Variants in EMILIN2 observed in about 807,000 individuals in gnomAD.
The protein encoded by EMILIN2 is EMILIN-2.
A neutral mutation model predicts 87.1 loss-of-function variants in EMILIN2; 71 were observed. The ratio of observed to expected loss-of-function variants is 0.82; its 90% CI spans 0.67 to 0.99. EMILIN2 has a LOEUF of 0.99. Ranked by LOEUF, EMILIN2 falls within the 50% of genes least tolerant of loss-of-function variation. The pLI, the probability that EMILIN2 is intolerant of heterozygous loss-of-function variation, is 0.00. For missense variants in EMILIN2, 1,407 were observed against 1,371.8 expected (o/e 1.03, Z -0.40); for synonymous variants, 581 against 563.4 (o/e 1.03, Z -0.44).
intron 2 of EMILIN2, among the ~76,000 whole-genome samples, chr18:2,865,000 T>TG (rs2076679316): frequency 6.6e-6 from 1 of 152,246 alleles, no homozygotes; most frequent in South Asian, 2.1e-4. Context: ...TTCTTCCAGT[T>TG]GATCGCATCA....
At position 2,848,604 on chromosome 18, in the gene EMILIN2, A is replaced by AC. The variant is rs1234578188; in HGVS notation, c.257+673_257+674insC. Among the ~76,000 whole-genome samples, 6 of 152,026 alleles carry AC rather than the reference A, an allele frequency of 3.9e-5. No homozygotes were observed. The highest frequency in any genetic ancestry group is 6.6e-5 in the Admixed American group (1 of 15,248). ...AGATTTCCCCATCTTAAAAAAAAAA[A>AC]AAAACAGGAAGCAATGCAATAAAGT... On this transcript the variant is annotated intron_variant, in intron 2 of 7. Coordinates refer to ENST00000254528, the MANE Select transcript of EMILIN2 (RefSeq NM_032048.3). The surrounding 1 kb of genome is among the most constrained non-coding windows in gnomAD (Gnocchi z 4.1).
Position 2,913,637 on chromosome 18 carries a change from AC to A in EMILIN2, c.*234del. Reference sequence around the variant, plus strand: ...ACTTTTCTGCCACTCTAACTGGACAACTGGAAGACTTGGAAAGGCCTCCACC... The same window carrying A: ...ACTTTTCTGCCACTCTAACTGGACAATGGAAGACTTGGAAAGGCCTCCACC... On this transcript the variant is annotated 3_prime_UTR_variant, in exon 8 of 8. Coordinates refer to ENST00000254528, the MANE Select transcript of EMILIN2 (RefSeq NM_032048.3). The A allele has an allele frequency of 9.6e-5, 46 of 479,082 alleles. No homozygotes were observed. The highest frequency in any genetic ancestry group is 5.5e-4 in the Middle Eastern group (1 of 1,804). The allele number at this position is 479,082 out of a possible 1,614,324, so 29.7% of individuals were successfully genotyped here.
At chr18:2,863,558 AGTTTGATTGCACTGTG>A (rs2076671837) in intron 2 of EMILIN2, among the ~76,000 whole-genome samples, 2 of 152,080 alleles carry the variant, frequency 1.3e-5, no homozygotes, top group Admixed American at 1.3e-4. Context: ...CCTGAGTTCT[AGTTTGATTGCACTGTG>A]GTCTGAGAGA....
rs1425613922 is a variant in EMILIN2 at position 2,894,492 on chromosome 18, C to T, written c.2359+2006C>T. 6.6e-6 allele frequency among the ~76,000 whole-genome samples: 1 copy of T among 152,124 alleles called. No homozygotes were observed. The highest frequency in any genetic ancestry group is 1.5e-5 in the Non-Finnish European group (1 of 68,028). On this transcript the variant is annotated intron_variant, in intron 4 of 7. Coordinates refer to ENST00000254528, the MANE Select transcript of EMILIN2 (RefSeq NM_032048.3). The surrounding 1 kb of genome is among the most constrained non-coding windows in gnomAD (Gnocchi z 5.0). ...TGTATGTGTTCATAGAATGATTGTC[C>T]CTTGTGGTGACAACGCTGTCTGGTC...
intron 2 of EMILIN2, among the ~76,000 whole-genome samples, chr18:2,861,586 G>A (rs951914923): frequency 1.3e-3 from 196 of 152,222 alleles, no homozygotes; most frequent in African/African-American, 4.3e-3. Flanking sequence ...TGTTCCATTG[G>A]TCTATATCTC....
At chr18:2,885,162 A>G (rs1255305053) in intron 3 of EMILIN2, 23 bp downstream of exon 3, 1 of 1,557,018 alleles carries the variant, frequency 6.4e-7, no homozygotes, top group East Asian at 2.3e-5. Context: ...TTGTGCTATT[A>G]TGTATGGCCA....
Position 2,913,543 on chromosome 18 carries a change from G to A in EMILIN2, c.*139G>A, listed in dbSNP as rs2076952949. On this transcript the variant is annotated 3_prime_UTR_variant, in exon 8 of 8. Transcript: ENST00000254528. ...AACATAAAGGCCTTCCCTCGCTGTTGAGGCCACCATGCCTTACTGCATCCA... is the reference window on the plus strand; with the variant it reads ...AACATAAAGGCCTTCCCTCGCTGTTAAGGCCACCATGCCTTACTGCATCCA... 1 of 676,280 alleles carries A rather than the reference G, an allele frequency of 1.5e-6. No homozygotes were observed. The highest frequency in any genetic ancestry group is 2.8e-5 in the East Asian group (1 of 35,736). 41.9% of individuals were successfully genotyped at this position (676,280 alleles called of 1,614,324 possible). A position where few individuals can be genotyped will look rare whatever the true frequency, so the allele number is the denominator to read the frequency against.
intron 4 of EMILIN2, among the ~76,000 whole-genome samples, chr18:2,898,059 G>A (rs751353783): frequency 2.6e-5 from 4 of 152,088 alleles, no homozygotes; most frequent in African/African-American, 9.7e-5. Context: ...AGATGGACTC[G>A]CTCCCATTTT....
At chr18:2,873,949 A>AT (rs2076735296) in intron 2 of EMILIN2, among the ~76,000 whole-genome samples, 1 of 152,110 alleles carries the variant, frequency 6.6e-6, no homozygotes, top group Admixed American at 6.6e-5. Context: ...ATCAAACCTT[A>AT]TACCCTCAAG....
In EMILIN2 at chr18:2,892,300, A is replaced by C. The variant is rs199824882; in HGVS notation, c.2173A>C (p.Arg725=). 54 of 1,614,058 alleles carry C rather than the reference A, an allele frequency of 3.3e-5. No individual in the cohort carries two copies. The highest frequency in any genetic ancestry group is 3.3e-5 in the Non-Finnish European group (39 of 1,180,026). The change falls in exon 4 of 8, where the codon AGG becomes CGG. Residue 725 remains arginine, a synonymous_variant. Coordinates refer to ENST00000254528, the MANE Select transcript of EMILIN2 (RefSeq NM_032048.3). ...GGACTCTATCTCAGGAAATCTTCAG[A>C]GGATCAAGGAGGGGCTCAACAAGCA... ...KLDSISGNLQ[R]IKEGLNKHVS...
At chr18:2,910,850 A>G (rs531354616) in intron 7 of EMILIN2, among the ~76,000 whole-genome samples, 1 of 152,344 alleles carries the variant, frequency 6.6e-6, no homozygotes, top group Non-Finnish European at 1.5e-5. Context: ...GAACTCAGAG[A>G]AATGAATTCT....
intron 2 of EMILIN2, among the ~76,000 whole-genome samples, chr18:2,858,547 A>ATATATGTGTGTGTGTG (rs2076640470): frequency 2.1e-5 from 1 of 48,054 alleles, no homozygotes; most frequent in Non-Finnish European, 3.4e-5. Flanking sequence ...ATATATATAT[A>ATATATGTGTGTGTGTG]TATATATATA....
At chr18:2,875,136 T>C (rs755257472) in intron 2 of EMILIN2, among the ~76,000 whole-genome samples, 71 of 152,110 alleles carry the variant, frequency 4.7e-4, no homozygotes, top group Non-Finnish European at 1.0e-4. Context: ...AAAGCCCAGG[T>C]CAAGGGAAGA....
intron 2 of EMILIN2, among the ~76,000 whole-genome samples, chr18:2,858,545 A>ATGTGTG (rs1315716983): frequency 4.3e-5 from 2 of 46,508 alleles, no homozygotes; most frequent in Non-Finnish European, 7.0e-5. Flanking sequence ...ATATATATAT[A>ATGTGTG]TATATATATA....
rs191454698 is a variant in EMILIN2, at chr18:2,870,779, G to A, written c.258-14185G>A. Among the ~76,000 whole-genome samples, 16 of 152,312 alleles carry A rather than the reference G, an allele frequency of 1.1e-4. No homozygotes were observed. In the South Asian group the frequency reaches 1.9e-3, roughly 18 times the overall value. On this transcript the variant is annotated intron_variant, in intron 2 of 7. Transcript: ENST00000254528. The stretch of plus-strand genomic sequence containing the variant: ...TGGAGGTGGGTGTCCACAGGGGGTC[G>A]TAGATCAAGACATCAGCAGGGTTGG...
intron 2 of EMILIN2, among the ~76,000 whole-genome samples, chr18:2,853,405 G>A (rs900905380): frequency 6.6e-6 from 1 of 152,180 alleles, no homozygotes; most frequent in Non-Finnish European, 1.5e-5. Context: ...AAGTGCAGAG[G>A]TTCTGCCTTG....
Position 2,891,548 on chromosome 18 carries a change from C to T in EMILIN2, c.1421C>T (p.Thr474Ile). The change falls in exon 4 of 8, where the codon ACC becomes ATC. Residue 474 changes from threonine (T) to isoleucine (I), a missense_variant. Transcript: ENST00000254528. The surrounding 1 kb of genome is among the most constrained non-coding windows in gnomAD (Gnocchi z 4.6). ...AEEHCFYIEETLRGAINGEVG... is the reference protein window; with the variant it reads ...AEEHCFYIEEILRGAINGEVG... Reference sequence around the variant, plus strand: ...GAACATTGCTTTTACATTGAGGAAACCCTTCGGGGCGCCATTAATGGAGAG... The same window carrying T: ...GAACATTGCTTTTACATTGAGGAAATCCTTCGGGGCGCCATTAATGGAGAG... 1.9e-6 allele frequency: 3 copies of T among 1,614,078 alleles called. No individual in the cohort carries two copies. The highest frequency in any genetic ancestry group is 2.2e-5 in the East Asian group (1 of 44,878).
chr18:2,856,372 C>T (rs2076627339), intron 2 of EMILIN2, among the ~76,000 whole-genome samples: 1 of 152,088 alleles, frequency 6.6e-6, no homozygotes, highest in Non-Finnish European at 1.5e-5. Context: ...ACTGGTTCTG[C>T]AGGTGTCTGT....
In EMILIN2 at chr18:2,902,820, TTGTG is replaced by T. The variant is rs2076893905; in HGVS notation, c.2360-3958_2360-3955del. On this transcript the variant is annotated intron_variant, in intron 4 of 7. Coordinates refer to ENST00000254528, the MANE Select transcript of EMILIN2 (RefSeq NM_032048.3). ...GAATCAGCTGGGCTTAGCAACAAAT[TTGTG>T]TGTGAAGGAGCAGGAGGGGGAGACC... 3.3e-5 allele frequency among the ~76,000 whole-genome samples: 5 copies of T among 151,984 alleles called. No homozygotes were observed. In the South Asian group the frequency reaches 6.2e-4, roughly 19 times the overall value.
Sources: allele counts gnomAD v4.1 joint callset (sites outside exome capture counted in the v4.1 genomes callset), GRCh38; gene constraint gnomAD v4.1.1; non-coding constraint Gnocchi (gnomAD v3.1); transcripts MANE v1.5; gene names NCBI Gene and HGNC (gene_info 2026-07-23, HGNC 2026-07-21).